AHRR: variants seen among roughly 807,000 people sequenced by gnomAD.
AHRR encodes aryl hydrocarbon receptor repressor.
In AHRR, 28 loss-of-function variants were observed where a neutral mutation model predicts 44.0. The observed-to-expected ratio is 0.64, with a 90% CI of 0.47 to 0.87. The LOEUF (loss-of-function observed/expected upper bound fraction) is 0.87, where lower values mean the gene tolerates loss of function less well. Ranked by LOEUF, AHRR falls within the 40% of genes least tolerant of loss-of-function variation. The pLI is 0.00. For synonymous variants in AHRR, 434 were observed against 407.0 expected, an observed-to-expected ratio of 1.07 and a Z score of -0.80; for missense variants, 990 against 953.9, an observed-to-expected ratio of 1.04 and a Z score of -0.50.
intron 10 of AHRR, 105 bp downstream of exon 10, chr5:433,052 G>C: frequency 5.2e-6 from 7 of 1,353,764 alleles, no homozygotes; most frequent in Non-Finnish European, 6.9e-6. Context: ...TAAAAAAGAC[G>C]ACAGCAGCCT....
chr5:399,459 T>C (rs1450901145), intron 4 of AHRR, among the ~76,000 whole-genome samples: 1 of 152,228 alleles, frequency 6.6e-6, no homozygotes, highest in African/African-American at 2.4e-5. Context: ...ACATCAACTT[T>C]AGACGTCAGA....
rs1736554212 is a variant in AHRR, at chr5:428,124, T to C, written c.908+118T>C. 4.2e-6 allele frequency: 5 copies of C among 1,191,208 alleles called. No individual in the cohort carries two copies. The Admixed American group carries it at 6.9e-5, about 16-fold the overall frequency. The allele number at this position is 1,191,208 out of a possible 1,614,324, so 73.8% of individuals were successfully genotyped here. On this transcript the variant is annotated intron_variant, in intron 8 of 10. Coordinates refer to ENST00000684583, the MANE Select transcript of AHRR (RefSeq NM_001377236.1). ...TCATTTCCAGCCAGTAATAAGTCAG[T>C]TTCGTGTCGTAAAAGTCATTACACA...
At chr5:344,840 T>TGTGTGTGGCAG (rs1553978812) in intron 2 of AHRR, among the ~76,000 whole-genome samples, 2,254 of 94,616 alleles carry the variant, frequency 0.024, 565 homozygotes, top group African/African-American at 0.19. Flanking sequence ...TGTAGGGAGC[T>TGTGTGTGGCAG]GTGTGTGTGG....
intron 2 of AHRR, among the ~76,000 whole-genome samples, chr5:344,762 G>GGT (rs140794440): frequency 1.1e-4 from 2 of 17,964 alleles, no homozygotes; most frequent in Non-Finnish European, 2.3e-4. Context: ...TGTGTGTGTG[G>GGT]GTGTGTGTGT....
At chr5:332,929 C>CTTTTTTTTTTTTTTTTTTTTTTT (rs57937804) in intron 1 of AHRR, among the ~76,000 whole-genome samples, 2 of 132,082 alleles carry the variant, frequency 1.5e-5, no homozygotes, top group African/African-American at 6.1e-5. Context: ...TGACCTTTGT[C>CTTTTTTTTTTTTTTTTTTTTTTT]TTTTTTTTTT....
chr5:364,668 A>G (rs1233770461), intron 3 of AHRR, among the ~76,000 whole-genome samples: 1 of 152,184 alleles, frequency 6.6e-6, no homozygotes, highest in African/African-American at 2.4e-5. Flanking sequence ...TATATCAGTA[A>G]CTACAATAAA....
At chr5:379,015 A>G (rs1447392719) in intron 4 of AHRR, among the ~76,000 whole-genome samples, 1 of 152,190 alleles carries the variant, frequency 6.6e-6, no homozygotes, top group African/African-American at 2.4e-5. Flanking sequence ...TCCCCTCCCC[A>G]AACATTTCTC....
rs761134101 is a variant in AHRR, at chr5:432,911, G to A, written c.1076G>A (p.Gly359Asp). 2 of 1,612,848 alleles carry A rather than the reference G, an allele frequency of 1.2e-6. No individual in the cohort carries two copies. The highest frequency in any genetic ancestry group is 1.7e-6 in the Non-Finnish European group (2 of 1,179,718). ...GCCCCATGCCTGTGCCTCCGGGGTG[G>A]CCCTGACCTTGTCCTTGACCCCAAG... is the stretch of plus-strand genomic sequence containing the variant. ...ARAPCLCLRG[G>D]PDLVLDPKGG... is the part of the protein sequence containing the mutation. Residue 359 changes from glycine (G) to aspartate (D), a missense_variant, in exon 10 of 11, where the codon GGC (glycine) becomes GAC (aspartate). Transcript: ENST00000684583.
chr5:376,557 A>AT (rs368685976), intron 3 of AHRR, 53 bp from the exon 4 acceptor site: 54 of 1,429,128 alleles, frequency 3.8e-5, no homozygotes, highest in South Asian at 9.8e-5. Context: ...AATGAAGAAG[A>AT]GTGGCCAGGC....
chr5:435,445 C>T lies in AHRR; in HGVS notation c.*611C>T, dbSNP rs2561659. The T allele has an allele frequency of 0.47, 72,022 of 153,092 alleles. 17,963 individuals are homozygous for T. Among genetic ancestry groups the T allele is most frequent in the African/African-American group, 0.65 (26,930 of 41,492 alleles). 9.5% of individuals were successfully genotyped at this position (153,092 alleles called of 1,614,324 possible). ...AGCCCACTCATAGAGGAATCTAGAA[C>T]GTTCCAGGCAGCAGAGGCTGGCAGC... On this transcript the variant is annotated 3_prime_UTR_variant, in exon 11 of 11. Transcript: ENST00000684583.
At chr5:384,431 T>C (rs939411064) in intron 4 of AHRR, among the ~76,000 whole-genome samples, 3 of 152,190 alleles carry the variant, frequency 2.0e-5, no homozygotes, top group Non-Finnish European at 4.4e-5. Flanking sequence ...CCAGACAATA[T>C]AATTTTTTTG....
At chr5:379,255 A>G (rs894241148) in intron 4 of AHRR, among the ~76,000 whole-genome samples, 1 of 152,138 alleles carries the variant, frequency 6.6e-6, no homozygotes, top group Non-Finnish European at 1.5e-5. Context: ...GGGCTCATCC[A>G]CGGTGCTGCG....
intron 9 of AHRR, 66 bp downstream of exon 9, chr5:432,590 C>T (rs899619900): frequency 6.4e-7 from 1 of 1,567,874 alleles, no homozygotes; most frequent in South Asian, 1.1e-5. Flanking sequence ...CCTTGGAGAG[C>T]TTCCCCGCCC....
rs1018568514 is a variant in AHRR at position 387,063 on chromosome 5, C to T, written c.351+10347C>T. ...ATCCGTTTGATTGTCAAAGCCTCTG[C>T]TGCACGGGGTGGGTCTGCCCCTGAC... On this transcript the variant is annotated intron_variant, in intron 4 of 10. Transcript: ENST00000684583. This position sits in a 1 kb window ranked among gnomAD's most constrained non-coding sequence, Gnocchi z 5.1. 1.3e-5 allele frequency among the ~76,000 whole-genome samples: 2 copies of T among 152,266 alleles called. No individual in the cohort carries two copies. The highest frequency in any genetic ancestry group is 2.4e-5 in the African/African-American group (1 of 41,470).
chr5:383,547 A>G lies in AHRR; in HGVS notation c.351+6831A>G, dbSNP rs1427178895. ...CCACTTTGTCTGGTACTAATATAGCATTCCAGCTTTCTTTTCTTTTTTTTT... is the reference window on the plus strand; with the variant it reads ...CCACTTTGTCTGGTACTAATATAGCGTTCCAGCTTTCTTTTCTTTTTTTTT... On this transcript the variant is annotated intron_variant, in intron 4 of 10. Transcript: ENST00000684583. The surrounding 1 kb of genome is among the most constrained non-coding windows in gnomAD (Gnocchi z 4.0). Among the ~76,000 whole-genome samples the G allele has an allele frequency of 6.7e-6, 1 of 148,862 alleles. No individual in the cohort carries two copies. The highest frequency in any genetic ancestry group is 1.5e-5 in the Non-Finnish European group (1 of 67,340).
chr5:364,331 G>A (rs947764834), intron 3 of AHRR, among the ~76,000 whole-genome samples: 8 of 152,224 alleles, frequency 5.3e-5, no homozygotes, highest in Non-Finnish European at 8.8e-5. Context: ...TGACTATATG[G>A]GTAAATCAAA....
chr5:382,803 G>C (rs1345013835), intron 4 of AHRR, among the ~76,000 whole-genome samples: 1 of 128,656 alleles, frequency 7.8e-6, no homozygotes, highest in African/African-American at 3.4e-5. Context: ...CCTTCTACTT[G>C]CTCTAGTTTT....
chr5:380,782 CAA>C (rs1273443224), intron 4 of AHRR, among the ~76,000 whole-genome samples: 1 of 151,952 alleles, frequency 6.6e-6, no homozygotes, highest in African/African-American at 2.4e-5. Context: ...GATACAAAAC[CAA>C]TAGGTTATAT....
intron 4 of AHRR, among the ~76,000 whole-genome samples, chr5:391,743 C>T (rs13180489): frequency 0.017 from 13 of 776 alleles, no homozygotes; most frequent in South Asian, 0.083. Flanking sequence ...GGGCGCAGGG[C>T]GAGGCAGGGC....
Sources: allele counts gnomAD v4.1 joint callset (sites outside exome capture counted in the v4.1 genomes callset), GRCh38; gene constraint gnomAD v4.1.1; non-coding constraint Gnocchi (gnomAD v3.1); transcripts MANE v1.5; gene names NCBI Gene and HGNC (gene_info 2026-07-23, HGNC 2026-07-21).